The following RASEF variants were observed in gnomAD, a reference collection of about 807,000 sequenced individuals.
RASEF encodes RAS and EF-hand domain containing, also known as ras and EF-hand domain-containing protein.
Under a neutral mutation model 90.1 loss-of-function variants are expected in RASEF, and 68 were observed. That is an observed-to-expected ratio of 0.75 (90% CI 0.62 to 0.92). The LOEUF is 0.92. Among genes scored for constraint, RASEF ranks in the 40% least tolerant of loss-of-function variants. RASEF has a pLI of 0.00. For missense variants in RASEF, 949 were observed against 937.2 expected (o/e 1.01, Z -0.16); for synonymous variants, 331 against 345.2 (o/e 0.96, Z 0.46).
the RASEF span, among the ~76,000 whole-genome samples, chr9:83,110,278 A>C: frequency 6.6e-6 from 1 of 152,320 alleles, no homozygotes; most frequent in Admixed American, 6.5e-5. Flanking sequence ...CACAGGGGAC[A>C]TGGAACAAAC....
chr9:83,191,730 G>C, the RASEF span, among the ~76,000 whole-genome samples: 1 of 152,036 alleles, frequency 6.6e-6, no homozygotes, highest in East Asian at 1.9e-4. Context: ...TCAAACTGCT[G>C]TTCACTTCCT....
At chr9:83,206,152 T>C in the RASEF span, among the ~76,000 whole-genome samples, 1 of 152,214 alleles carries the variant, frequency 6.6e-6, no homozygotes, top group Non-Finnish European at 1.5e-5. Context: ...CTTTGAAATG[T>C]TATATTTTAC....
the RASEF span, among the ~76,000 whole-genome samples, chr9:83,187,441 G>A: frequency 6.6e-6 from 1 of 151,974 alleles, no homozygotes; most frequent in Non-Finnish European, 1.5e-5. Flanking sequence ...TGACATGATG[G>A]TTGGGGCTAC....
At chr9:83,025,738 C>A in intron 2 of RASEF, 37 bp downstream of exon 2, 1 of 1,600,100 alleles carries the variant, frequency 6.2e-7, no homozygotes, top group Admixed American at 1.7e-5. Flanking sequence ...CAAGTTAAAG[C>A]ACCCACAGGC....
chr9:83,145,311 C>T, the RASEF span, among the ~76,000 whole-genome samples: 9 of 152,156 alleles, frequency 5.9e-5, no homozygotes, highest in East Asian at 1.7e-3. Flanking sequence ...CAGATTTGAG[C>T]CCAGATCCCC....
At chr9:82,995,827 T>G (rs575693032) in intron 14 of RASEF, among the ~76,000 whole-genome samples, 1 of 152,186 alleles carries the variant, frequency 6.6e-6, no homozygotes, top group East Asian at 1.9e-4. Context: ...GAGGTTCGGT[T>G]TGAGCCCCTA....
chr9:83,158,545 TACAC>T, the RASEF span, among the ~76,000 whole-genome samples: 1 of 148,762 alleles, frequency 6.7e-6, no homozygotes. Context: ...CACACACACA[TACAC>T]ACACACATAT....
the RASEF span, among the ~76,000 whole-genome samples, chr9:83,075,905 C>T: frequency 3.0e-4 from 46 of 152,110 alleles, 2 homozygotes; most frequent in South Asian, 8.7e-3. Context: ...CACGGTGGCT[C>T]ACACCTGTAA....
intron 1 of RASEF, among the ~76,000 whole-genome samples, chr9:83,059,991 C>A (rs1240287196): frequency 6.6e-6 from 1 of 152,104 alleles, no homozygotes; most frequent in East Asian, 1.9e-4. Context: ...GAGTTTAACC[C>A]AAAATTGCTT....
chr9:83,148,617 A>T, the RASEF span, among the ~76,000 whole-genome samples: 2 of 152,322 alleles, frequency 1.3e-5, no homozygotes, highest in South Asian at 4.1e-4. Flanking sequence ...GTGACAATAC[A>T]TCTCTGATAT....
chr9:83,056,857 C>G (rs2117893634), intron 1 of RASEF, among the ~76,000 whole-genome samples: 1 of 152,296 alleles, frequency 6.6e-6, no homozygotes, highest in Middle Eastern at 3.4e-3. Context: ...ATTCTGAGAG[C>G]AAAGCTCTGA....
At chr9:83,016,781 C>T (rs916614750) in intron 3 of RASEF, among the ~76,000 whole-genome samples, 1 of 152,188 alleles carries the variant, frequency 6.6e-6, no homozygotes, top group Admixed American at 6.5e-5. Context: ...GGCCTCTCTG[C>T]AGCATGCTCC....
chr9:82,998,426 T>A lies in RASEF; in HGVS notation c.1744A>T (p.Thr582Ser). ...GTTCGTTCTCCATCCACAATGAGGG[T>A]TTTCATTTGGAAATCAACTCCTGAA... ...ATLGVDFQMK[T>S]LIVDGERTVL... is the part of the protein sequence containing the mutation. The change falls in exon 13 of 17, where the codon ACC becomes TCC. Residue 582 changes from threonine (T) to serine (S), a missense_variant. Thr to Ser is a moderately conservative substitution (Grantham distance 58). This residue lies in a region of RASEF where 288 missense variants were observed against 328.4 expected (regional missense o/e 0.88). Coordinates refer to ENST00000376447, the MANE Select transcript of RASEF (RefSeq NM_152573.4). The A allele has an allele frequency of 6.2e-7, 1 of 1,611,274 alleles. No homozygotes were observed. The highest frequency in any genetic ancestry group is 1.3e-5 in the African/African-American group (1 of 74,992).
intron 13 of RASEF, 35 bp from the exon 14 acceptor site, chr9:82,997,161 G>T: frequency 1.5e-6 from 2 of 1,294,730 alleles, no homozygotes; most frequent in Non-Finnish European, 2.2e-6. Context: ...CAGTCAGTTT[G>T]TGTTGCCTCA....
chr9:83,048,615 A>T, intron 1 of RASEF: 1 of 985,450 alleles, frequency 1.0e-6, no homozygotes, highest in Non-Finnish European at 1.2e-6. Context: ...GGGCGAGAAG[A>T]GTTTCTTCTG....
the RASEF span, among the ~76,000 whole-genome samples, chr9:83,204,139 G>A: frequency 0.033 from 5,077 of 152,112 alleles, 286 homozygotes; most frequent in African/African-American, 0.12. Context: ...GGTAACAGTG[G>A]ACAGGATTTA....
chr9:83,008,251 G>A (rs746881173), intron 6 of RASEF, among the ~76,000 whole-genome samples: 2 of 152,160 alleles, frequency 1.3e-5, no homozygotes, highest in African/African-American at 4.8e-5. Context: ...CTGCTCCCTG[G>A]ATGATAAAAG....
intron 1 of RASEF, among the ~76,000 whole-genome samples, chr9:83,061,648 T>C (rs1018829615): frequency 6.6e-6 from 1 of 152,174 alleles, no homozygotes; most frequent in Non-Finnish European, 1.5e-5. Context: ...AAATCCCACC[T>C]GCAGGCATCC....
chr9:83,071,401 C>G, the RASEF span, among the ~76,000 whole-genome samples: 1 of 151,858 alleles, frequency 6.6e-6, no homozygotes, highest in African/African-American at 2.4e-5. Flanking sequence ...CTCTTTCATT[C>G]TGTTTCTGTT....
Sources: gnomAD v4.1 joint callset for allele counts (sites outside exome capture counted in the v4.1 genomes callset) on GRCh38, gnomAD v4.1.1 for gene constraint, gnomAD v4.1.1 regional missense constraint, MANE v1.5 for transcripts, NCBI Gene and HGNC (gene_info 2026-07-23, HGNC 2026-07-21) for gene names.